The following MAST4 variants were observed in gnomAD, a reference collection of about 807,000 sequenced individuals.
The protein encoded by MAST4 is microtubule associated serine/threonine kinase family member 4.
MAST4 carries 89 observed loss-of-function variants against 162.7 expected under a neutral mutation model. That is an observed-to-expected ratio of 0.55 (90% confidence interval 0.46 to 0.65). The LOEUF is 0.65. Among genes scored for constraint, MAST4 ranks in the 30% least tolerant of loss-of-function variants. The probability of loss-of-function intolerance (pLI) is 0.00; values close to 1 mark genes in which losing one functional copy is unlikely to be tolerated. For synonymous variants in MAST4, 1,479 were observed against 1,361.1 expected, an observed-to-expected ratio of 1.09 and a Z score of -1.91; for missense variants, 3,153 against 3,374.0, an observed-to-expected ratio of 0.93 and a Z score of 1.62.
chr5:66,623,408 TATC>T (rs1316018748), intron 1 of MAST4, among the ~76,000 whole-genome samples: 16 of 152,138 alleles, frequency 1.1e-4, no homozygotes, highest in Non-Finnish European at 1.8e-4. Context: ...TACTAGCAAA[TATC>T]ATTCAGTAGC....
rs570081831 is a variant in MAST4 at position 66,890,074 on chromosome 5, C to CA, written c.643-9873dup. Among the ~76,000 whole-genome samples the CA allele has an allele frequency of 7.0e-4, 107 of 152,094 alleles. 3 individuals are homozygous for CA. In the South Asian group the frequency reaches 0.022, roughly 31 times the overall value. On this transcript the variant is annotated intron_variant, in intron 3 of 28. Transcript: ENST00000403625. ...AGGACTGTGCCTTCTCTAATTTGAT[C>CA]AAAACTAGTTTCTTTAATTTTAAAA...
chr5:66,776,462 T>C (rs201080299), intron 2 of MAST4, among the ~76,000 whole-genome samples: 3 of 152,198 alleles, frequency 2.0e-5, no homozygotes, highest in African/African-American at 7.2e-5. Flanking sequence ...GTGAAGATGG[T>C]AGACTCTTTT....
intron 5 of MAST4, among the ~76,000 whole-genome samples, chr5:67,087,274 C>T (rs981270461): frequency 2.6e-5 from 4 of 152,126 alleles, no homozygotes; most frequent in Non-Finnish European, 2.9e-5. Flanking sequence ...AATCTGCTAA[C>T]GACTATGCTT....
intron 22 of MAST4, 145 bp downstream of exon 22, chr5:67,144,941 A>G: frequency 9.0e-7 from 1 of 1,106,342 alleles, no homozygotes; most frequent in Non-Finnish European, 1.3e-6. Context: ...GATCTAGGGT[A>G]GGGCCTGAAA....
At chr5:66,906,804 T>C (rs1212744788) in intron 4 of MAST4, among the ~76,000 whole-genome samples, 3 of 152,200 alleles carry the variant, frequency 2.0e-5, no homozygotes, top group Non-Finnish European at 4.4e-5. Context: ...AAAAGAATAA[T>C]GAACTTATTT....
At chr5:66,805,492 T>A (rs532749151) in intron 3 of MAST4, among the ~76,000 whole-genome samples, 8 of 152,348 alleles carry the variant, frequency 5.3e-5, no homozygotes, top group Admixed American at 3.9e-4. Flanking sequence ...TCTGGCAGTA[T>A]CTTTATCATT....
intron 4 of MAST4, chr5:66,930,725 A>T (rs1276181094): frequency 2.1e-6 from 1 of 470,838 alleles, no homozygotes; most frequent in Middle Eastern, 3.3e-4. Context: ...ATACCATTCT[A>T]TCTGGGTTCA....
intron 4 of MAST4, among the ~76,000 whole-genome samples, chr5:66,903,678 C>T (rs1046175508): frequency 3.0e-4 from 46 of 152,058 alleles, no homozygotes; most frequent in South Asian, 2.1e-4. Context: ...GCATTCATGA[C>T]GGTATATTAT....
chr5:67,000,280 G>A (rs1001001013), intron 4 of MAST4, among the ~76,000 whole-genome samples: 1 of 152,220 alleles, frequency 6.6e-6, no homozygotes, highest in Non-Finnish European at 1.5e-5. Flanking sequence ...TCAACTTAGT[G>A]TCTTATTGGG....
At chr5:67,029,008 G>T (rs554402609) in intron 4 of MAST4, among the ~76,000 whole-genome samples, 2 of 152,112 alleles carry the variant, frequency 1.3e-5, no homozygotes, top group African/African-American at 4.8e-5. Flanking sequence ...GGTGTCATGT[G>T]CCTGTAGTGC....
intron 1 of MAST4, among the ~76,000 whole-genome samples, chr5:66,716,012 A>G (rs927789779): frequency 6.6e-6 from 1 of 152,150 alleles, no homozygotes; most frequent in East Asian, 1.9e-4. Context: ...AATACATTTT[A>G]ATTTTCATAA....
intron 3 of MAST4, among the ~76,000 whole-genome samples, chr5:66,883,293 G>A (rs866505829): frequency 6.6e-5 from 10 of 152,068 alleles, no homozygotes; most frequent in African/African-American, 9.7e-5. Flanking sequence ...GATTATTTAC[G>A]TCCTATGTGG....
intron 8 of MAST4, among the ~76,000 whole-genome samples, chr5:67,101,698 T>C (rs1186108189): frequency 2.0e-5 from 3 of 152,178 alleles, no homozygotes; most frequent in East Asian, 3.9e-4. Context: ...CATAAACTAA[T>C]ACTAAATATA....
chr5:66,815,510 T>G (rs1458605057), intron 3 of MAST4, among the ~76,000 whole-genome samples: 2 of 152,234 alleles, frequency 1.3e-5, no homozygotes, highest in Non-Finnish European at 2.9e-5. Context: ...ATATGGGGCT[T>G]GGTACTATCT....
Position 66,886,479 on chromosome 5 carries a change from C to T in MAST4, c.643-13472C>T, listed in dbSNP as rs192211463. Among the ~76,000 whole-genome samples, 377 of 152,088 alleles carry T rather than the reference C, an allele frequency of 2.5e-3. 1 individual carries two copies. The highest frequency in any genetic ancestry group is 4.1e-3 in the Non-Finnish European group (282 of 68,000). ...GTTGTTCAAAGTTCCTTTGTTCTAA[C>T]GTCGATTCTCCCCACCCCGTTTGTT... On this transcript the variant is annotated intron_variant, in intron 3 of 28. Transcript: ENST00000403625.
At chr5:66,990,993 C>T (rs540030458) in intron 4 of MAST4, among the ~76,000 whole-genome samples, 4 of 152,206 alleles carry the variant, frequency 2.6e-5, no homozygotes, top group Admixed American at 2.0e-4. Flanking sequence ...AAAATAATGA[C>T]TCTGAAATTT....
intron 1 of MAST4, among the ~76,000 whole-genome samples, chr5:66,628,952 A>G (rs990024411): frequency 7.9e-5 from 12 of 152,182 alleles, no homozygotes; most frequent in African/African-American, 2.9e-4. Flanking sequence ...AGAATTGTAT[A>G]ATATCTTACA....
Position 66,710,998 on chromosome 5 carries a change from T to G in MAST4, c.364-48711T>G, listed in dbSNP as rs531325045. Among the ~76,000 whole-genome samples the G allele has an allele frequency of 1.3e-4, 20 of 152,322 alleles. No individual in the cohort carries two copies. In the South Asian group the frequency reaches 4.1e-3, roughly 32 times the overall value. ...TATTCCAGAAGCATCCTCATCTCCT[T>G]CAAGTGAGTGCCTCTTCCCTGAGAT... On this transcript the variant is annotated intron_variant, in intron 1 of 28. Coordinates refer to ENST00000403625, the MANE Select transcript of MAST4 (RefSeq NM_001164664.2).
chr5:66,885,174 C>G (rs531738563), intron 3 of MAST4, among the ~76,000 whole-genome samples: 92 of 152,276 alleles, frequency 6.0e-4, no homozygotes, highest in Non-Finnish European at 9.1e-4. Flanking sequence ...TATGTTTACT[C>G]TACTTCACCA....
Sources: allele counts gnomAD v4.1 joint callset (sites outside exome capture counted in the v4.1 genomes callset), GRCh38; gene constraint gnomAD v4.1.1; transcripts MANE v1.5; gene names NCBI Gene and HGNC (gene_info 2026-07-23, HGNC 2026-07-21).